Variants in ALMS1 observed in about 807,000 individuals in gnomAD.
ALMS1 encodes centrosome-associated protein ALMS1.
In ALMS1, 271 loss-of-function variants were observed where a neutral mutation model predicts 352.2. The observed-to-expected ratio is 0.77, with a 90% CI of 0.70 to 0.85. The LOEUF (loss-of-function observed/expected upper bound fraction) is 0.85. Ranked by LOEUF, ALMS1 falls within the 40% of genes least tolerant of loss-of-function variation. The probability of loss-of-function intolerance (pLI) is 0.00; values close to 1 mark genes in which losing one functional copy is unlikely to be tolerated. For synonymous variants in ALMS1, 1,865 were observed against 1,761.2 expected (o/e 1.06, Z -1.48); for missense variants, 5,445 against 4,870.7 (o/e 1.12, Z -3.51).
chr2:73,386,338 A>G (rs982699513), intron 1 of ALMS1, 146 bp downstream of exon 1: 10 of 1,179,802 alleles, frequency 8.5e-6, no homozygotes, highest in Admixed American at 3.3e-5. Flanking sequence ...ACTCCAGCCC[A>G]GGTGCCGGCC....
chr2:73,545,867 A>G (rs1573009920), intron 12 of ALMS1, among the ~76,000 whole-genome samples: 1 of 152,242 alleles, frequency 6.6e-6, no homozygotes, highest in African/African-American at 2.4e-5. Context: ...GTAATGAAAG[A>G]TGGGAAACTT....
Position 73,385,955 on chromosome 2 carries a change from T to A in ALMS1, c.87T>A (p.Ala29=). The A allele has an allele frequency of 7.3e-7, 1 of 1,367,512 alleles. No individual in the cohort carries two copies. Among genetic ancestry groups the A allele is most frequent in the Non-Finnish European group, 1.0e-6 (1 of 986,234 alleles). The allele number at this position is 1,367,512 out of a possible 1,614,324, so 84.7% of individuals were successfully genotyped here. A position where few individuals can be genotyped will look rare whatever the true frequency, so the allele number is the denominator to read the frequency against. ...AGGAGGAGGAGGAAGAGGAGGAGGC[T>A]GCAGCGGCGGCGGCGGCGAACGTGG... ...EEEEEEEEEE[A]AAAAAANVDD... Residue 29 remains alanine (A), a synonymous_variant, in exon 1 of 23, where the codon GCT becomes GCA. Transcript: ENST00000613296.
intron 12 of ALMS1, among the ~76,000 whole-genome samples, chr2:73,549,691 TTC>T (rs924295550): frequency 6.6e-6 from 1 of 152,202 alleles, no homozygotes; most frequent in African/African-American, 2.4e-5. Flanking sequence ...GCTGGAAATA[TTC>T]TCTCTCCTGA....
At chr2:73,455,842 A>AT (rs35537968) in intron 9 of ALMS1, among the ~76,000 whole-genome samples, 3,655 of 150,502 alleles carry the variant, frequency 0.024, 101 homozygotes, top group Admixed American at 0.091. Context: ...TGTTTTATCA[A>AT]TTTTTTTTTT....
intron 16 of ALMS1, 22 bp downstream of exon 16, chr2:73,573,446 C>T (rs1367009178): frequency 6.2e-7 from 1 of 1,612,662 alleles, no homozygotes; most frequent in Admixed American, 1.7e-5. Flanking sequence ...CAGATTCCAT[C>T]TGGCAATGTG....
At chr2:73,482,089 C>T (rs551320201) in intron 9 of ALMS1, among the ~76,000 whole-genome samples, 3,483 of 152,226 alleles carry the variant, frequency 0.023, 46 homozygotes, top group Non-Finnish European at 0.035. Flanking sequence ...TGCCTAATTG[C>T]CCTGGCCAGA....
At chr2:73,446,027 T>C (rs1671806046) in intron 7 of ALMS1, among the ~76,000 whole-genome samples, 1 of 152,194 alleles carries the variant, frequency 6.6e-6, no homozygotes, top group Non-Finnish European at 1.5e-5. Flanking sequence ...GGATTTGTGA[T>C]CACCATTCTT....
chr2:73,404,321 A>G (rs1235493172), intron 1 of ALMS1, among the ~76,000 whole-genome samples: 2 of 152,128 alleles, frequency 1.3e-5, no homozygotes, highest in East Asian at 3.9e-4. Flanking sequence ...TGCTATGTTG[A>G]GTAGAAGGGT....
chr2:73,524,874 C>T lies in ALMS1; in HGVS notation c.9781+4858C>T, dbSNP rs142652361. ...TTATACCCATTAACAATCCTCACTT[C>T]CCCCACACTGCTCACTACCCTTCCC... On this transcript the variant is annotated intron_variant, in intron 11 of 22. Transcript: ENST00000613296. 1.6e-4 allele frequency among the ~76,000 whole-genome samples: 24 copies of T among 152,298 alleles called. No individual in the cohort carries two copies. The East Asian group carries it at 4.6e-3, about 29-fold the overall frequency.
At chr2:73,560,063 G>T (rs906152396) in intron 15 of ALMS1, among the ~76,000 whole-genome samples, 1 of 152,130 alleles carries the variant, frequency 6.6e-6, no homozygotes, top group African/African-American at 2.4e-5. Flanking sequence ...ACTTCTGCAT[G>T]ACAAAGTAGA....
intron 1 of ALMS1, among the ~76,000 whole-genome samples, chr2:73,393,833 T>C (rs190219909): frequency 7.6e-4 from 116 of 151,820 alleles, no homozygotes; most frequent in Middle Eastern, 3.4e-3. Context: ...TTTTTTTTTT[T>C]CTGAGATAGG....
At chr2:73,392,791 T>A (rs1670677686) in intron 1 of ALMS1, among the ~76,000 whole-genome samples, 1 of 152,220 alleles carries the variant, frequency 6.6e-6, no homozygotes, top group Non-Finnish European at 1.5e-5. Context: ...CTATTATGTA[T>A]AATGCTACCG....
At chr2:73,466,156 A>T (rs1343634027) in intron 9 of ALMS1, among the ~76,000 whole-genome samples, 1 of 152,164 alleles carries the variant, frequency 6.6e-6, no homozygotes, top group African/African-American at 2.4e-5. Context: ...AGGATTATAA[A>T]TCGTGCTGCT....
intron 19 of ALMS1, 69 bp from the exon 20 acceptor site, chr2:73,602,116 C>T (rs949311973): frequency 2.7e-6 from 4 of 1,498,224 alleles, no homozygotes; most frequent in Non-Finnish European, 3.6e-6. Flanking sequence ...GGTGTGTCTC[C>T]AGGCATATGG....
At chr2:73,395,196 C>T (rs1475865895) in intron 1 of ALMS1, among the ~76,000 whole-genome samples, 1 of 149,148 alleles carries the variant, frequency 6.7e-6, no homozygotes, top group East Asian at 2.0e-4. Context: ...ATTCTCATGT[C>T]AGCCTCCTGA....
In ALMS1 at chr2:73,601,422, A is replaced by G. The variant is rs778023175; in HGVS notation, c.12100A>G (p.Arg4034Gly). 7.4e-6 allele frequency: 12 copies of G among 1,613,956 alleles called. No individual in the cohort carries two copies. The East Asian group carries it at 2.7e-4, about 36-fold the overall frequency. Reference sequence around the variant, plus strand: ...CAGAGACCTACTGAGGCCATTTGTGAGAGCAACCCTTCAGGTGCAGTGACG... The same window carrying G: ...CAGAGACCTACTGAGGCCATTTGTGGGAGCAACCCTTCAGGTGCAGTGACG... The part of the protein sequence containing the change: ...AGRDLLRPFV[R>G]ATLQESLQFH... Residue 4034 changes from arginine (R) to glycine (G), a missense_variant, in exon 19 of 23, where the codon AGA (arginine) becomes GGA (glycine). Transcript: ENST00000613296.
At chr2:73,417,163 A>G (rs1284409284) in intron 2 of ALMS1, among the ~76,000 whole-genome samples, 1 of 152,152 alleles carries the variant, frequency 6.6e-6, no homozygotes, top group Non-Finnish European at 1.5e-5. Flanking sequence ...ATAAAATATA[A>G]TACAGTTGTT....
intron 10 of ALMS1, among the ~76,000 whole-genome samples, chr2:73,516,293 AT>A (rs1019375060): frequency 2.0e-5 from 3 of 152,190 alleles, no homozygotes; most frequent in South Asian, 2.1e-4. Flanking sequence ...AGTAAAAAAA[AT>A]AACAGGTGTT....
chr2:73,490,330 G>C lies in ALMS1; in HGVS notation c.8371G>C (p.Gly2791Arg). 1.9e-6 allele frequency: 3 copies of C among 1,611,624 alleles called. No individual in the cohort carries two copies. The South Asian group carries it at 3.3e-5, about 18-fold the overall frequency. Residue 2791 changes from glycine (G) to arginine (R), a missense_variant, in exon 10 of 23, where the codon GGT (glycine) becomes CGT (arginine). Physicochemically the swap from Gly to Arg is moderately radical, Grantham distance 125. Coordinates refer to ENST00000613296, the MANE Select transcript of ALMS1 (RefSeq NM_001378454.1). ...QDKEVTILAE[G>R]RRQSQKLPVD... ...TAAAGAAGTGACTATTTTAGCAGAA[G>C]GTAGAAGGCAAAGCCAAAAATTACC... is the stretch of plus-strand genomic sequence containing the variant.
Sources: gnomAD v4.1 joint callset for allele counts (sites outside exome capture counted in the v4.1 genomes callset) on GRCh38, gnomAD v4.1.1 for gene constraint, MANE v1.5 for transcripts, NCBI Gene and HGNC (gene_info 2026-07-23, HGNC 2026-07-21) for gene names.